The following CTNNA3 variants were observed in gnomAD, a reference collection of about 807,000 sequenced individuals.
CTNNA3 encodes catenin alpha-3.
In CTNNA3, 76 loss-of-function variants were observed where a neutral mutation model predicts 95.7. The observed-to-expected ratio is 0.79, with a 90% confidence interval of 0.66 to 0.96. The LOEUF (loss-of-function observed/expected upper bound fraction) is 0.96. Ranked by LOEUF, CTNNA3 falls within the 40% of genes least tolerant of loss-of-function variation. The pLI is 0.00. For synonymous variants in CTNNA3, 431 were observed against 374.4 expected, an observed-to-expected ratio of 1.15 and a Z score of -1.74; for missense variants, 1,191 against 1,089.8, an observed-to-expected ratio of 1.09 and a Z score of -1.31.
At chr10:67,380,570 A>G (rs1843903480) in intron 5 of CTNNA3, among the ~76,000 whole-genome samples, 1 of 152,204 alleles carries the variant, frequency 6.6e-6, no homozygotes, top group Admixed American at 6.5e-5. Context: ...TAAAGGATCA[A>G]TATCTTTTAC....
At chr10:66,633,410 G>A (rs761266773) in intron 9 of CTNNA3, among the ~76,000 whole-genome samples, 1 of 152,178 alleles carries the variant, frequency 6.6e-6, no homozygotes, top group Non-Finnish European at 1.5e-5. Flanking sequence ...ACCAGGTGCA[G>A]TGGCTCACGC....
intron 12 of CTNNA3, among the ~76,000 whole-genome samples, chr10:66,288,829 T>C (rs1297286143): frequency 6.6e-6 from 1 of 152,050 alleles, no homozygotes; most frequent in East Asian, 1.9e-4. Flanking sequence ...TAAAAAACCC[T>C]AAAGAAACCC....
intron 1 of CTNNA3, among the ~76,000 whole-genome samples, chr10:67,739,143 G>A (rs2133638990): frequency 6.6e-6 from 1 of 152,276 alleles, no homozygotes. Context: ...ATAATTGTCA[G>A]ATTCACCAAA....
intron 12 of CTNNA3, among the ~76,000 whole-genome samples, chr10:66,366,054 G>T (rs563489199): frequency 2.0e-4 from 31 of 152,242 alleles, no homozygotes; most frequent in South Asian, 1.2e-3. Context: ...AATGTTTGTT[G>T]TCTTAATTTG....
At chr10:66,506,986 T>A (rs1840471137) in intron 11 of CTNNA3, among the ~76,000 whole-genome samples, 3 of 152,304 alleles carry the variant, frequency 2.0e-5, no homozygotes, top group African/African-American at 7.2e-5. Flanking sequence ...TATTGAGATT[T>A]AATAGTGCTT....
At chr10:66,478,840 A>C (rs1839415261) in intron 11 of CTNNA3, among the ~76,000 whole-genome samples, 1 of 151,896 alleles carries the variant, frequency 6.6e-6, no homozygotes, top group African/African-American at 2.4e-5. Context: ...GGTATTCTGC[A>C]GATTTTTAGT....
intron 5 of CTNNA3, among the ~76,000 whole-genome samples, chr10:67,319,805 A>C (rs1303145358): frequency 6.6e-6 from 1 of 151,108 alleles, no homozygotes; most frequent in Non-Finnish European, 1.5e-5. Flanking sequence ...CTAAGGCAGG[A>C]GAATCACTTG....
intron 13 of CTNNA3, among the ~76,000 whole-genome samples, chr10:66,144,486 T>C (rs531736874): frequency 2.6e-5 from 4 of 151,866 alleles, no homozygotes; most frequent in South Asian, 2.1e-4. Context: ...TTTATATTTA[T>C]TTATTTATTT....
At chr10:67,206,976 C>T (rs776303396) in intron 6 of CTNNA3, among the ~76,000 whole-genome samples, 4 of 151,848 alleles carry the variant, frequency 2.6e-5, no homozygotes, top group African/African-American at 9.7e-5. Flanking sequence ...ACTAAAAATA[C>T]GAAAATTAGC....
intron 7 of CTNNA3, among the ~76,000 whole-genome samples, chr10:66,830,365 T>C (rs1378795279): frequency 6.6e-6 from 1 of 152,324 alleles, no homozygotes; most frequent in African/African-American, 2.4e-5. Flanking sequence ...TGAAGGTTTT[T>C]CTTTCCTAGA....
chr10:66,465,178 G>T (rs1838861666), intron 11 of CTNNA3, among the ~76,000 whole-genome samples: 1 of 151,900 alleles, frequency 6.6e-6, no homozygotes, highest in East Asian at 1.9e-4. Context: ...ACCACACATA[G>T]AACATAGTGT....
intron 17 of CTNNA3, among the ~76,000 whole-genome samples, chr10:65,961,374 C>G (rs556797439): frequency 1.3e-5 from 2 of 152,120 alleles, no homozygotes; most frequent in Non-Finnish European, 2.9e-5. Context: ...TATAAAAACA[C>G]CTTCTAAATG....
chr10:66,975,963 A>C (rs2132850971), intron 7 of CTNNA3, among the ~76,000 whole-genome samples: 1 of 152,352 alleles, frequency 6.6e-6, no homozygotes. Flanking sequence ...ATAACTGCTT[A>C]ACATGCTACT....
At position 66,285,795 on chromosome 10, in the gene CTNNA3, G is replaced by T. The variant is rs73317892; in HGVS notation, c.1733-5174C>A. Among the ~76,000 whole-genome samples the T allele has an allele frequency of 7.3e-3, 1,114 of 151,876 alleles. 18 individuals carry two copies. The highest frequency in any genetic ancestry group is 0.025 in the African/African-American group (1,051 of 41,470). On this transcript the variant is annotated intron_variant, in intron 12 of 17. Coordinates refer to ENST00000433211, the MANE Select transcript of CTNNA3 (RefSeq NM_013266.4). Reference sequence around the variant, plus strand: ...TATGTTATGTTAATTAACTGGGAGAGAATTAATAGTAGAAAGTGGCATTAA... The same window carrying T: ...TATGTTATGTTAATTAACTGGGAGATAATTAATAGTAGAAAGTGGCATTAA...
In CTNNA3 at chr10:67,599,786, T is replaced by C. The variant is rs558418389; in HGVS notation, c.292+7071A>G. 2.2e-4 allele frequency among the ~76,000 whole-genome samples: 33 copies of C among 152,304 alleles called. No individual in the cohort carries two copies. The South Asian group carries it at 2.5e-3, about 11-fold the overall frequency. On this transcript the variant is annotated intron_variant, in intron 3 of 17. Coordinates refer to ENST00000433211, the MANE Select transcript of CTNNA3 (RefSeq NM_013266.4). ...TTTTTAATCAGAAGACTCATCACTG[T>C]TAAAATGTCAGTTCAGCACAAATTG...
intron 7 of CTNNA3, among the ~76,000 whole-genome samples, chr10:66,822,309 T>A (rs1417172421): frequency 1.3e-5 from 2 of 152,112 alleles, no homozygotes; most frequent in Non-Finnish European, 2.9e-5. Flanking sequence ...TAATCGATCA[T>A]GGCATTCTTA....
At position 66,468,798 on chromosome 10, in the gene CTNNA3, T is replaced by C. The variant is rs79191574; in HGVS notation, c.1531+51819A>G. 4.9e-3 allele frequency among the ~76,000 whole-genome samples: 748 copies of C among 152,022 alleles called. 7 individuals carry two copies. The highest frequency in any genetic ancestry group is 0.017 in the African/African-American group (696 of 41,526). On this transcript the variant is annotated intron_variant, in intron 11 of 17. Coordinates refer to ENST00000433211, the MANE Select transcript of CTNNA3 (RefSeq NM_013266.4). Reference sequence around the variant, plus strand: ...AAAAATAAATAATAAGAAGCACTTATAACGCCACAGTCCAGAGATAATCAC... The same window carrying C: ...AAAAATAAATAATAAGAAGCACTTACAACGCCACAGTCCAGAGATAATCAC...
At chr10:66,733,918 A>T (rs541233812) in intron 9 of CTNNA3, among the ~76,000 whole-genome samples, 1 of 151,798 alleles carries the variant, frequency 6.6e-6, no homozygotes, top group African/African-American at 2.4e-5. Flanking sequence ...GTACATATTA[A>T]AAATATGAAC....
intron 11 of CTNNA3, among the ~76,000 whole-genome samples, chr10:66,445,583 T>C (rs996120010): frequency 6.6e-6 from 1 of 151,888 alleles, no homozygotes; most frequent in Admixed American, 6.6e-5. Flanking sequence ...ACTGGGTACA[T>C]AACAAAATGA....
Sources: gnomAD v4.1 joint callset for allele counts (sites outside exome capture counted in the v4.1 genomes callset) on GRCh38, gnomAD v4.1.1 for gene constraint, MANE v1.5 for transcripts, NCBI Gene and HGNC (gene_info 2026-07-23, HGNC 2026-07-21) for gene names.